Variants in BRAT1 observed in about 807,000 individuals in gnomAD.
BRAT1 encodes BRCA1 associated ATM activator 1, also known as integrator complex assembly factor BRAT1.
In BRAT1, 74 loss-of-function variants were observed where a neutral mutation model predicts 70.6. The ratio of observed to expected loss-of-function variants is 1.05; its 90% CI spans 0.87 to 1.27. The LOEUF is 1.27. Ranked by LOEUF, BRAT1 falls within the 50% of genes most tolerant of loss-of-function variation. The pLI is 0.00. For missense variants in BRAT1, 1,203 were observed against 1,098.2 expected (o/e 1.10, Z -1.35); for synonymous variants, 615 against 517.1 (o/e 1.19, Z -2.57).
Position 2,538,138 on chromosome 7 carries a change from G to C in BRAT1, c.2397C>G (p.Pro799=), listed in dbSNP as rs774902699. 2 of 1,607,046 alleles carry C rather than the reference G, an allele frequency of 1.2e-6. No individual in the cohort carries two copies. The highest frequency in any genetic ancestry group is 2.2e-5 in the South Asian group (2 of 90,882). The part of the protein sequence containing the change: ...AESSDHVEKS[P]QSLLQDMLAT... ...CCAGCATGTCCTGCAGGAGGGACTGGGGACTCTTTTCCACGTGGTCGCTGC... is the reference window on the plus strand; with the variant it reads ...CCAGCATGTCCTGCAGGAGGGACTGCGGACTCTTTTCCACGTGGTCGCTGC... The change falls in exon 14 of 14, where the codon CCC becomes CCG. Residue 799 remains proline, a synonymous_variant. Coordinates refer to ENST00000340611, the MANE Select transcript of BRAT1 (RefSeq NM_152743.4).
rs1562567814 is a variant in BRAT1, at chr7:2,539,238, G to A, written c.1711C>T (p.Gln571Ter). ...GCGTGCAGGCCCTGGCTGGACAGCTGCCCCATGGCGGTCACTGCACTCGCT... is the reference window on the plus strand; with the variant it reads ...GCGTGCAGGCCCTGGCTGGACAGCTACCCCATGGCGGTCACTGCACTCGCT... ...VRASAVTAMGQLSSQGLHAPT... is the reference protein window; with the variant it reads ...VRASAVTAMG Residue 571 changes from glutamine to a stop codon, truncating the protein, a stop_gained, in exon 13 of 14, where the codon CAG (glutamine) becomes TAG (stop). Coordinates refer to ENST00000340611, the MANE Select transcript of BRAT1 (RefSeq NM_152743.4). LOFTEE classifies it high-confidence loss of function. 1 of 1,611,240 alleles carries A rather than the reference G, an allele frequency of 6.2e-7. No individual in the cohort carries two copies. The highest frequency in any genetic ancestry group is 1.7e-5 in the Admixed American group (1 of 60,016).
chr7:2,543,313 A>G lies in BRAT1; in HGVS notation c.814T>C (p.Phe272Leu), dbSNP rs1562577958. Residue 272 changes from phenylalanine to leucine, a missense_variant, in exon 6 of 14, where the codon TTC (phenylalanine) becomes CTC (leucine). Physicochemically the swap from Phe to Leu is conservative, Grantham distance 22 (BLOSUM62 0). Transcript: ENST00000340611. The surrounding 1 kb of genome is among the most constrained non-coding windows in gnomAD (Gnocchi z 5.5). ...LLLCVARSPVFSSSDGSLWET... is the reference protein window; with the variant it reads ...LLLCVARSPVLSSSDGSLWET... ...CACAGGCTGCCGTCGGAAGAACTGAACACGGGAGAACTGCAGGGAGACCCC... is the reference window on the plus strand; with the variant it reads ...CACAGGCTGCCGTCGGAAGAACTGAGCACGGGAGAACTGCAGGGAGACCCC... 1.9e-6 allele frequency: 3 copies of G among 1,600,924 alleles called. No individual in the cohort carries two copies. The highest frequency in any genetic ancestry group is 2.7e-5 in the African/African-American group (2 of 74,482).
chr7:2,544,069 T>G, intron 4 of BRAT1, 107 bp from the exon 5 acceptor site: 1 of 885,414 alleles, frequency 1.1e-6, no homozygotes, highest in Middle Eastern at 3.5e-4. Flanking sequence ...CCCCCCAAGA[T>G]GCCCCCAAAT....
At chr7:2,549,635 C>A (rs530393740) in intron 2 of BRAT1, among the ~76,000 whole-genome samples, 1 of 152,052 alleles carries the variant, frequency 6.6e-6, no homozygotes, top group Non-Finnish European at 1.5e-5. Flanking sequence ...ATCTAACAGT[C>A]GCCTCAACAA....
chr7:2,545,418 G>A (rs895562504), intron 3 of BRAT1, among the ~76,000 whole-genome samples: 5 of 148,066 alleles, frequency 3.4e-5, no homozygotes, highest in African/African-American at 1.2e-4. Flanking sequence ...TAGGTTTCCA[G>A]GGATGTGGAG....
chr7:2,547,235 G>GTGAT, intron 3 of BRAT1, 89 bp downstream of exon 3: 1 of 1,519,384 alleles, frequency 6.6e-7, no homozygotes, highest in Non-Finnish European at 9.0e-7. Flanking sequence ...ACTTGGGATG[G>GTGAT]TGATGGCTAC....
Position 2,541,727 on chromosome 7 carries a change from C to T in BRAT1, c.1125G>A (p.Leu375=). The T allele has an allele frequency of 1.9e-6, 3 of 1,608,050 alleles. No homozygotes were observed. Among genetic ancestry groups the T allele is most frequent in the Admixed American group, 1.7e-5 (1 of 59,450 alleles). ...ACCGGGCCGCACCTACCAGCGGCTG[C>T]AGCTCCTCCAGGTGAGCCAGGGTGC... ...LCRTLAHLEE[L]QPLPQRPSPW... Residue 375 remains leucine (L), a synonymous_variant, in exon 8 of 14, where the codon CTG becomes CTA. Coordinates refer to ENST00000340611, the MANE Select transcript of BRAT1 (RefSeq NM_152743.4).
chr7:2,554,188 T>A, intron 2 of BRAT1, 117 bp downstream of exon 2: 2 of 1,366,910 alleles, frequency 1.5e-6, no homozygotes, highest in Non-Finnish European at 2.0e-6. Context: ...AGACATCTGA[T>A]TGGCAGTTTC....
chr7:2,537,850 G>T lies in BRAT1; in HGVS notation c.*219C>A, dbSNP rs145828184. On this transcript the variant is annotated 3_prime_UTR_variant, in exon 14 of 14. Transcript: ENST00000340611. ...TTATTATTAAATTAACTCAAAAAGG[G>T]TTAAAGAAAGACTTCAATGCCATTT... The T allele has an allele frequency of 0.012, 8,456 of 697,314 alleles. 126 individuals carry two copies. Among genetic ancestry groups the T allele is most frequent in the East Asian group, 0.054 (1,727 of 31,978 alleles). The allele number at this position is 697,314 out of a possible 1,614,324, so 43.2% of individuals were successfully genotyped here.
In BRAT1 at chr7:2,543,322, A is replaced by T. The variant is rs1365802623; in HGVS notation, c.805T>A (p.Ser269Thr). The change falls in exon 6 of 14, where the codon TCT (serine) becomes ACT (threonine). Residue 269 changes from serine to threonine, a missense_variant and splice_region_variant. Coordinates refer to ENST00000340611, the MANE Select transcript of BRAT1 (RefSeq NM_152743.4). This position sits in a 1 kb window ranked among gnomAD's most constrained non-coding sequence, Gnocchi z 5.5. ...CCGTCGGAAGAACTGAACACGGGAGAACTGCAGGGAGACCCCAGAGAGAAA... is the reference window on the plus strand; with the variant it reads ...CCGTCGGAAGAACTGAACACGGGAGTACTGCAGGGAGACCCCAGAGAGAAA... ...FVDLLLCVAR[S>T]PVFSSSDGSL... 1 of 1,592,166 alleles carries T rather than the reference A, an allele frequency of 6.3e-7. No homozygotes were observed. The highest frequency in any genetic ancestry group is 8.6e-7 in the Non-Finnish European group (1 of 1,168,746).
chr7:2,542,103 C>T lies in BRAT1; in HGVS notation c.1015+17G>A. The T allele has an allele frequency of 2.0e-6, 3 of 1,508,232 alleles. No homozygotes were observed. Among genetic ancestry groups the T allele is most frequent in the East Asian group, 2.4e-5 (1 of 41,180 alleles). The allele number at this position is 1,508,232 out of a possible 1,614,324, so 93.4% of individuals were successfully genotyped here. A position where few individuals can be genotyped will look rare whatever the true frequency, so the allele number is the denominator to read the frequency against. Reference sequence around the variant, plus strand: ...GGACCCAGGTTCTGCCCTCCCAGCCCTTTCTAAGCAGCACACCTGGGGGTC... The same window carrying T: ...GGACCCAGGTTCTGCCCTCCCAGCCTTTTCTAAGCAGCACACCTGGGGGTC... On this transcript the variant is annotated intron_variant, in intron 7 of 13. Transcript: ENST00000340611.
chr7:2,550,094 T>C (rs1779888042), intron 2 of BRAT1, among the ~76,000 whole-genome samples: 1 of 151,498 alleles, frequency 6.6e-6, no homozygotes, highest in Admixed American at 6.6e-5. Flanking sequence ...GCCCAGGAAG[T>C]TGAGGCTACA....
chr7:2,539,108 C>T, intron 13 of BRAT1, 71 bp downstream of exon 13: 1 of 1,523,298 alleles, frequency 6.6e-7, no homozygotes, highest in Non-Finnish European at 8.8e-7. Flanking sequence ...GCCGCTCGAC[C>T]ACCCGCAAGC....
intron 10 of BRAT1, 170 bp from the exon 11 acceptor site, chr7:2,540,058 A>G (rs1266656622): frequency 1.8e-6 from 1 of 560,078 alleles, no homozygotes; most frequent in African/African-American, 2.0e-5. Context: ...ACAGGGTCTC[A>G]ATGTGTCATC....
chr7:2,553,434 A>G (rs1179685449), intron 2 of BRAT1, among the ~76,000 whole-genome samples: 19 of 152,218 alleles, frequency 1.2e-4, no homozygotes, highest in Admixed American at 1.2e-3. Context: ...CATGTAGTCA[A>G]TAACATTAAC....
chr7:2,547,656 A>C (rs1226515696), intron 2 of BRAT1, among the ~76,000 whole-genome samples, 178 bp from the exon 3 acceptor site: 1 of 152,266 alleles, frequency 6.6e-6, no homozygotes, highest in Non-Finnish European at 1.5e-5. Context: ...ATTTTAATTC[A>C]GTAAGGGCTA....
At chr7:2,538,952 A>C in intron 13 of BRAT1, 188 bp from the exon 14 acceptor site, 1 of 1,449,164 alleles carries the variant, frequency 6.9e-7, no homozygotes, top group Non-Finnish European at 9.0e-7. Context: ...CATCTGTCAA[A>C]TGGAGGTAAC....
intron 2 of BRAT1, among the ~76,000 whole-genome samples, chr7:2,548,373 G>A (rs548201412): frequency 9.9e-5 from 15 of 152,022 alleles, no homozygotes; most frequent in Non-Finnish European, 2.2e-4. Context: ...GGAGAACCAG[G>A]CCAGGACCCA....
At position 2,543,152 on chromosome 7, in the gene BRAT1, C is replaced by G. The variant is rs1408091621; in HGVS notation, c.923+52G>C. The G allele has an allele frequency of 4.0e-5, 60 of 1,504,060 alleles. No homozygotes were observed. Among genetic ancestry groups the G allele is most frequent in the Non-Finnish European group, 5.0e-5 (56 of 1,125,618 alleles). The allele number at this position is 1,504,060 out of a possible 1,614,324, so 93.2% of individuals were successfully genotyped here. ...AGGGCTGCGCTCTCAACCTCCCTGCCTGCCCCAGCTCCCAGCACCCGCCTC... is the reference window on the plus strand; with the variant it reads ...AGGGCTGCGCTCTCAACCTCCCTGCGTGCCCCAGCTCCCAGCACCCGCCTC... On this transcript the variant is annotated intron_variant, in intron 6 of 13. Transcript: ENST00000340611. This position sits in a 1 kb window ranked among gnomAD's most constrained non-coding sequence, Gnocchi z 5.5.
Sources: allele counts gnomAD v4.1 joint callset (sites outside exome capture counted in the v4.1 genomes callset), GRCh38; gene constraint gnomAD v4.1.1; non-coding constraint Gnocchi (gnomAD v3.1); transcripts MANE v1.5; gene names NCBI Gene and HGNC (gene_info 2026-07-23, HGNC 2026-07-21).